Variants in TFDP1 observed in about 807,000 individuals in gnomAD.
TFDP1 encodes DRTF1-polypeptide 1.
Under a neutral mutation model 48.0 loss-of-function variants are expected in TFDP1, and 6 were observed. That is an observed-to-expected ratio of 0.13 (90% CI 0.07 to 0.25). The LOEUF (loss-of-function observed/expected upper bound fraction) is 0.25. Among genes scored for constraint, TFDP1 ranks in the 10% least tolerant of loss-of-function variants. The pLI is 1.00. For missense variants in TFDP1, 335 were observed against 543.0 expected (o/e 0.62, Z 3.81); for synonymous variants, 201 against 211.6 (o/e 0.95, Z 0.44).
intron 2 of TFDP1, among the ~76,000 whole-genome samples, chr13:113,591,559 CAGTAGA>C (rs2048147601): frequency 6.6e-6 from 1 of 152,186 alleles, no homozygotes. Context: ...GCTCGATTTG[CAGTAGA>C]AGTATCAGGT....
chr13:113,625,318 GT>G (rs1438382791), intron 4 of TFDP1, among the ~76,000 whole-genome samples: 6 of 66,710 alleles, frequency 9.0e-5, no homozygotes, highest in South Asian at 4.4e-4. Flanking sequence ...GTCCTCACGT[GT>G]TTCTCAGGCG....
At chr13:113,636,339 C>G (rs776756928) in intron 9 of TFDP1, among the ~76,000 whole-genome samples, 195 bp from the exon 10 acceptor site, 2 of 152,236 alleles carry the variant, frequency 1.3e-5, no homozygotes, top group Non-Finnish European at 2.9e-5. Context: ...GGCATGTCCT[C>G]CTGGGGAGAA....
Position 113,627,383 on chromosome 13 carries a change from G to A in TFDP1, c.186+4097G>A, listed in dbSNP as rs916547431. 1.3e-5 allele frequency among the ~76,000 whole-genome samples: 2 copies of A among 152,158 alleles called. No individual in the cohort carries two copies. Among genetic ancestry groups the A allele is most frequent in the African/African-American group, 4.8e-5 (2 of 41,436 alleles). ...GCAGCGGCCTGTGTGAGCCCCTGGG[G>A]AGAAGCAGCCCCCCACCCAGGCCTG... On this transcript the variant is annotated intron_variant, in intron 4 of 11. Transcript: ENST00000375370. The surrounding 1 kb of genome is among the most constrained non-coding windows in gnomAD (Gnocchi z 4.1).
At chr13:113,638,259 G>T (rs1191297918) in intron 11 of TFDP1, among the ~76,000 whole-genome samples, 1 of 152,094 alleles carries the variant, frequency 6.6e-6, no homozygotes, top group South Asian at 2.1e-4. Context: ...CACAGCGCAC[G>T]TATTTTTCAG....
intron 2 of TFDP1, among the ~76,000 whole-genome samples, chr13:113,596,510 C>T (rs567110496): frequency 6.6e-6 from 1 of 152,262 alleles, no homozygotes; most frequent in Non-Finnish European, 1.5e-5. Flanking sequence ...CCCTGGGTGT[C>T]CCCTCCCCAG....
intron 2 of TFDP1, among the ~76,000 whole-genome samples, chr13:113,587,318 C>T (rs983451995): frequency 6.6e-6 from 1 of 151,328 alleles, no homozygotes; most frequent in Non-Finnish European, 1.5e-5. Flanking sequence ...TCACCTTGCA[C>T]TCAGGGGTTG....
chr13:113,606,442 C>T (rs1328382907), intron 2 of TFDP1, among the ~76,000 whole-genome samples: 1 of 152,130 alleles, frequency 6.6e-6, no homozygotes, highest in Non-Finnish European at 1.5e-5. Context: ...CTTGCCGTGC[C>T]CTCTCCTGGT....
intron 2 of TFDP1, among the ~76,000 whole-genome samples, chr13:113,588,737 GTGCTGGAGTGGTGGAGAGTGAGTGGTGA>G (rs2048066176): frequency 6.6e-6 from 1 of 152,014 alleles, no homozygotes; most frequent in Admixed American, 6.5e-5. Flanking sequence ...GTGAGTGGTG[GTGCTGGAGTGGTGGAGAGTGAGTGGTGA>G]TGGTAGATTG....
At chr13:113,594,589 C>A (rs1013367345) in intron 2 of TFDP1, among the ~76,000 whole-genome samples, 16 of 151,980 alleles carry the variant, frequency 1.1e-4, no homozygotes, top group Admixed American at 9.8e-4. Context: ...GTGCATGAGT[C>A]CTCAGCCCTG....
intron 2 of TFDP1, among the ~76,000 whole-genome samples, chr13:113,606,539 C>G (rs934209012): frequency 2.2e-4 from 34 of 151,982 alleles, no homozygotes; most frequent in African/African-American, 8.2e-4. Context: ...AAATACCGTC[C>G]CAAGCAGGAT....
At chr13:113,620,683 A>G (rs1020618948) in intron 3 of TFDP1, among the ~76,000 whole-genome samples, 1 of 152,210 alleles carries the variant, frequency 6.6e-6, no homozygotes, top group Non-Finnish European at 1.5e-5. Flanking sequence ...TACATTTCGA[A>G]TATGTACAAT....
intron 3 of TFDP1, among the ~76,000 whole-genome samples, chr13:113,615,862 T>G (rs989957584): frequency 3.3e-5 from 5 of 151,902 alleles, no homozygotes; most frequent in African/African-American, 7.3e-5. Flanking sequence ...CAGTGAGTTG[T>G]GATTGTGCCA....
chr13:113,638,391 G>C (rs1284413839), intron 11 of TFDP1, among the ~76,000 whole-genome samples: 4 of 151,710 alleles, frequency 2.6e-5, no homozygotes, highest in African/African-American at 9.7e-5. Flanking sequence ...TATGGTCATA[G>C]CGCATGTATT....
At position 113,636,641 on chromosome 13, in the gene TFDP1, C is replaced by A. The variant is rs1265063743; in HGVS notation, c.947C>A (p.Ala316Asp). Reference sequence around the variant, plus strand: ...GGGCTGGAGTCGGGGAGCTGCTCTGCCGAAGACCTTAAAATGGCCAGAAGT... The same window carrying A: ...GGGCTGGAGTCGGGGAGCTGCTCTGACGAAGACCTTAAAATGGCCAGAAGT... ...ACGLESGSCSAEDLKMARSLV... is the reference protein window; with the variant it reads ...ACGLESGSCSDEDLKMARSLV... Residue 316 changes from alanine (A) to aspartate (D), a missense_variant, in exon 10 of 12, where the codon GCC becomes GAC. By Grantham distance (126) the Ala-to-Asp change is moderately radical. Coordinates refer to ENST00000375370, the MANE Select transcript of TFDP1 (RefSeq NM_007111.5). 1 of 1,612,908 alleles carries A rather than the reference C, an allele frequency of 6.2e-7. No individual in the cohort carries two copies. Among genetic ancestry groups the A allele is most frequent in the Non-Finnish European group, 8.5e-7 (1 of 1,180,044 alleles).
chr13:113,608,388 T>G (rs1032902841), intron 2 of TFDP1, among the ~76,000 whole-genome samples: 1 of 152,020 alleles, frequency 6.6e-6, no homozygotes, highest in Non-Finnish European at 1.5e-5. Context: ...GGGGCTGGAG[T>G]GCAGACACCA....
chr13:113,587,627 G>A (rs1279015240), intron 2 of TFDP1, among the ~76,000 whole-genome samples: 1 of 151,772 alleles, frequency 6.6e-6, no homozygotes, highest in African/African-American at 2.4e-5. Flanking sequence ...TAGGATTACA[G>A]GCATGTGCCA....
At chr13:113,625,976 T>G (rs1020781885) in intron 4 of TFDP1, among the ~76,000 whole-genome samples, 1 of 138,264 alleles carries the variant, frequency 7.2e-6, no homozygotes, top group African/African-American at 2.9e-5. Context: ...GTCTCTCACG[T>G]GTCCTCAGGT....
At chr13:113,602,793 G>T (rs375529016) in intron 2 of TFDP1, among the ~76,000 whole-genome samples, 2 of 152,168 alleles carry the variant, frequency 1.3e-5, no homozygotes, top group East Asian at 3.9e-4. Flanking sequence ...GGCCTGGCTT[G>T]TGAACCTGTG....
At chr13:113,585,030 T>C (rs2047962125) in intron 1 of TFDP1, 142 bp downstream of exon 1, 1 of 146,274 alleles carries the variant, frequency 6.8e-6, no homozygotes, top group South Asian at 2.1e-4. Context: ...CCCTGCGCGC[T>C]CCTGTGCCTC....
Sources: gnomAD v4.1 joint callset for allele counts (sites outside exome capture counted in the v4.1 genomes callset) on GRCh38, gnomAD v4.1.1 for gene constraint, Gnocchi (gnomAD v3.1) non-coding constraint, MANE v1.5 for transcripts, NCBI Gene and HGNC (gene_info 2026-07-23, HGNC 2026-07-21) for gene names.